DNAH14: variants seen among roughly 807,000 people sequenced by gnomAD.
DNAH14 encodes the protein dynein axonemal heavy chain 14.
In DNAH14, 478 loss-of-function variants were observed where a neutral mutation model predicts 520.9. The ratio of observed to expected loss-of-function variants is 0.92; its 90% CI spans 0.85 to 0.99. The LOEUF (loss-of-function observed/expected upper bound fraction) is 0.99, where lower values mean the gene tolerates loss of function less well. DNAH14 is among the 50% of genes least tolerant of loss of function. The probability of loss-of-function intolerance (pLI) is 0.00; values close to 1 mark genes in which losing one functional copy is unlikely to be tolerated. For missense variants in DNAH14, 4,831 were observed against 5,234.5 expected, an observed-to-expected ratio of 0.92 and a Z score of 2.38; for synonymous variants, 1,581 against 1,757.2, an observed-to-expected ratio of 0.90 and a Z score of 2.51.
rs780109278 is a variant in DNAH14 at position 225,324,863 on chromosome 1, G to T, written c.9723+31G>T. 4 of 1,489,636 alleles carry T rather than the reference G, an allele frequency of 2.7e-6. 1 individual carries two copies. The South Asian group carries it at 4.9e-5, about 18-fold the overall frequency. 92.3% of individuals were successfully genotyped at this position (1,489,636 alleles called of 1,614,324 possible). On this transcript the variant is annotated intron_variant, in intron 64 of 85. Transcript: ENST00000682510. ...AAATACAGTTCAGTTCTCAAAATAA[G>T]ACAAAACACCAGGACAATGTAATTA...
intron 75 of DNAH14, among the ~76,000 whole-genome samples, chr1:225,361,266 C>T (rs1207346928): frequency 6.6e-6 from 1 of 152,170 alleles, no homozygotes; most frequent in African/African-American, 2.4e-5. Context: ...CATATCTATC[C>T]TTTTGGTGAT....
chr1:225,022,730 T>G (rs1049713719), intron 10 of DNAH14, among the ~76,000 whole-genome samples: 2 of 152,122 alleles, frequency 1.3e-5, no homozygotes, highest in East Asian at 3.9e-4. Flanking sequence ...AACTCAGCAA[T>G]CCCTCTACTG....
At chr1:225,297,244 A>G (rs1295697192) in intron 55 of DNAH14, among the ~76,000 whole-genome samples, 1 of 151,854 alleles carries the variant, frequency 6.6e-6, no homozygotes, top group Non-Finnish European at 1.5e-5. Flanking sequence ...TCCCTATTGA[A>G]TTTCTCATTC....
intron 27 of DNAH14, among the ~76,000 whole-genome samples, chr1:225,131,608 T>C (rs76804618): frequency 0.081 from 12,319 of 152,194 alleles, 1,613 homozygotes; most frequent in African/African-American, 0.28. Context: ...TTCAATTCCA[T>C]CTGAAAAGTC....
At chr1:225,299,246 A>C (rs2094086225) in intron 55 of DNAH14, among the ~76,000 whole-genome samples, 1 of 152,232 alleles carries the variant, frequency 6.6e-6, no homozygotes, top group South Asian at 2.1e-4. Flanking sequence ...CCAAGACAAA[A>C]TTAGGAATGC....
intron 10 of DNAH14, among the ~76,000 whole-genome samples, chr1:225,014,929 T>G (rs1442988361): frequency 6.6e-6 from 1 of 152,206 alleles, no homozygotes; most frequent in African/African-American, 2.4e-5. Context: ...TTAGGGTCTA[T>G]CTCTTCCTTT....
chr1:225,231,422 T>G (rs1465008182), intron 42 of DNAH14, among the ~76,000 whole-genome samples: 1 of 152,172 alleles, frequency 6.6e-6, no homozygotes, highest in African/African-American at 2.4e-5. Context: ...TGAAATGAAT[T>G]TATTGCATGA....
At chr1:225,266,819 T>G in intron 49 of DNAH14, 50 bp downstream of exon 49, 1 of 1,419,946 alleles carries the variant, frequency 7.0e-7, no homozygotes, top group Non-Finnish European at 9.3e-7. Flanking sequence ...TTTCTCACAC[T>G]AAATTAAATG....
intron 57 of DNAH14, among the ~76,000 whole-genome samples, chr1:225,304,674 A>C (rs962674367): frequency 3.9e-5 from 6 of 152,188 alleles, no homozygotes; most frequent in African/African-American, 1.4e-4. Context: ...CATACGGGTA[A>C]AGCCTAGAAG....
At chr1:225,112,797 C>T (rs1407737159) in intron 23 of DNAH14, among the ~76,000 whole-genome samples, 2 of 151,932 alleles carry the variant, frequency 1.3e-5, no homozygotes, top group African/African-American at 2.4e-5. Flanking sequence ...ATGTCAATTG[C>T]ATTTTTCAAA....
intron 77 of DNAH14, 33 bp downstream of exon 77, chr1:225,368,065 A>G: frequency 6.8e-7 from 1 of 1,476,450 alleles, no homozygotes; most frequent in Non-Finnish European, 9.1e-7. Flanking sequence ...AACAACAAAT[A>G]AGTAACAATA....
At chr1:225,086,722 A>C (rs890869946) in intron 21 of DNAH14, among the ~76,000 whole-genome samples, 2 of 152,158 alleles carry the variant, frequency 1.3e-5, no homozygotes, top group African/African-American at 4.8e-5. Context: ...GTACAAAAAA[A>C]ATGAACAGCA....
chr1:225,248,957 G>A (rs1342263309), intron 43 of DNAH14, among the ~76,000 whole-genome samples: 2 of 152,188 alleles, frequency 1.3e-5, no homozygotes, highest in African/African-American at 4.8e-5. Context: ...TTTGTTCATG[G>A]ACTCATCCAG....
At position 225,358,598 on chromosome 1, in the gene DNAH14, G is replaced by A; in HGVS notation, c.11722G>A (p.Asp3908Asn). Reference sequence around the variant, plus strand: ...TCAAAGAACTGGAGTTAATTTGAAAGATGCATATAAAGGATCCAATGCCAG... The same window carrying A: ...TCAAAGAACTGGAGTTAATTTGAAAAATGCATATAAAGGATCCAATGCCAG... ...YLQRTGVNLK[D>N]AYKGSNARTP... Residue 3908 changes from aspartate to asparagine, a missense_variant, in exon 74 of 86, where the codon GAT (aspartate) becomes AAT (asparagine). Physicochemically the swap from Asp to Asn is conservative, Grantham distance 23. Transcript: ENST00000682510. 6.5e-7 allele frequency: 1 copy of A among 1,549,078 alleles called. No homozygotes were observed. Among genetic ancestry groups the A allele is most frequent in the Non-Finnish European group, 8.7e-7 (1 of 1,146,100 alleles).
intron 75 of DNAH14, 35 bp from the exon 76 acceptor site, chr1:225,364,757 C>T (rs945559043): frequency 8.9e-5 from 127 of 1,425,450 alleles, no homozygotes; most frequent in Non-Finnish European, 1.2e-4. Flanking sequence ...TTACATTTTT[C>T]ACATTAAAAT....
At chr1:225,392,576 A>T in intron 84 of DNAH14, 125 bp downstream of exon 84, 2 of 1,166,598 alleles carry the variant, frequency 1.7e-6, no homozygotes, top group Non-Finnish European at 2.4e-6. Context: ...AGACAGGCAG[A>T]TCAACAAGCC....
intron 75 of DNAH14, among the ~76,000 whole-genome samples, chr1:225,362,818 A>C (rs1419933535): frequency 6.6e-6 from 1 of 152,212 alleles, no homozygotes; most frequent in Non-Finnish European, 1.5e-5. Context: ...ACATTTCTTA[A>C]GAGTTAGTGA....
At chr1:225,078,815 T>C (rs12735040) in intron 17 of DNAH14, among the ~76,000 whole-genome samples, 774 of 34,922 alleles carry the variant, frequency 0.022, 3 homozygotes, top group Middle Eastern at 0.044. Context: ...TCTCTCTCTC[T>C]CTCTCTCTCC....
chr1:225,358,746 A>C (rs751099600), intron 74 of DNAH14, 94 bp downstream of exon 74: 5 of 1,330,796 alleles, frequency 3.8e-6, no homozygotes, highest in Non-Finnish European at 4.1e-6. Flanking sequence ...CATAATCCCC[A>C]CATGTCAAGG....
Sources: allele counts gnomAD v4.1 joint callset (sites outside exome capture counted in the v4.1 genomes callset), GRCh38; gene constraint gnomAD v4.1.1; transcripts MANE v1.5; gene names NCBI Gene and HGNC (gene_info 2026-07-23, HGNC 2026-07-21).